The following RYR3 variants were observed in gnomAD, a reference collection of about 807,000 sequenced individuals.
The protein encoded by RYR3 is brain ryanodine receptor-calcium release channel.
Under a neutral mutation model 584.3 loss-of-function variants are expected in RYR3, and 207 were observed. That is an observed-to-expected ratio of 0.35 (90% CI 0.32 to 0.40). The LOEUF is 0.40. Among genes scored for constraint, RYR3 ranks in the 10% least tolerant of loss-of-function variants. RYR3 has a pLI of 1.00. For missense variants in RYR3, 5,616 were observed against 6,089.2 expected (o/e 0.92, Z 2.59); for synonymous variants, 2,416 against 2,248.5 (o/e 1.07, Z -2.11).
At chr15:33,422,384 A>G (rs2044300827) in intron 1 of RYR3, among the ~76,000 whole-genome samples, 5 of 152,174 alleles carry the variant, frequency 3.3e-5, no homozygotes, top group Admixed American at 3.3e-4. Context: ...ATGGAATACT[A>G]GTCCTTGTAG....
intron 1 of RYR3, among the ~76,000 whole-genome samples, chr15:33,365,458 A>G (rs1975361529): frequency 6.6e-6 from 1 of 152,170 alleles, no homozygotes; most frequent in South Asian, 2.1e-4. Flanking sequence ...AGTGGATGGT[A>G]AAGACTCCAG....
chr15:33,716,300 G>C (rs965453109), intron 43 of RYR3, among the ~76,000 whole-genome samples: 6 of 152,098 alleles, frequency 3.9e-5, no homozygotes, highest in Non-Finnish European at 5.9e-5. Flanking sequence ...TGTTGCATTA[G>C]GGATTAAGTT....
chr15:33,776,202 G>A (rs550337000), intron 64 of RYR3, among the ~76,000 whole-genome samples: 1 of 152,318 alleles, frequency 6.6e-6, no homozygotes, highest in South Asian at 2.1e-4. Context: ...CTTGGTGATA[G>A]GGTTGACTGT....
chr15:33,671,847 C>T (rs1263592032), intron 38 of RYR3, among the ~76,000 whole-genome samples: 1 of 119,310 alleles, frequency 8.4e-6, no homozygotes, highest in Non-Finnish European at 1.6e-5. Flanking sequence ...CAGGGTCTTG[C>T]TCTGTCACCC....
intron 38 of RYR3, among the ~76,000 whole-genome samples, chr15:33,685,305 G>A (rs1356222719): frequency 6.6e-6 from 1 of 152,138 alleles, no homozygotes; most frequent in Non-Finnish European, 1.5e-5. Context: ...CCTAGTCTCT[G>A]ATAAAACAGA....
chr15:33,545,995 C>T (rs62012300), intron 8 of RYR3, among the ~76,000 whole-genome samples: 3,196 of 152,290 alleles, frequency 0.021, 62 homozygotes, highest in Non-Finnish European at 0.035. Flanking sequence ...GGATAAGTTA[C>T]TTAACCTATT....
At chr15:33,468,467 C>T (rs2048663859) in intron 1 of RYR3, among the ~76,000 whole-genome samples, 1 of 152,122 alleles carries the variant, frequency 6.6e-6, no homozygotes, top group Admixed American at 6.5e-5. Flanking sequence ...TCCAAAGCCT[C>T]ATTGTTTTAT....
chr15:33,719,727 T>C (rs977617517), intron 43 of RYR3, among the ~76,000 whole-genome samples: 1 of 152,214 alleles, frequency 6.6e-6, no homozygotes, highest in African/African-American at 2.4e-5. Context: ...CTGGGGCTTT[T>C]CTGTAAGTAT....
chr15:33,669,836 GT>G, intron 37 of RYR3, among the ~76,000 whole-genome samples: 1 of 21,324 alleles, frequency 4.7e-5, no homozygotes, highest in African/African-American at 1.3e-4. Flanking sequence ...TTAGGGGTGT[GT>G]GTGTGTGGGG....
At chr15:33,762,414 G>T (rs535592639) in intron 60 of RYR3, among the ~76,000 whole-genome samples, 11 of 152,086 alleles carry the variant, frequency 7.2e-5, no homozygotes, top group Admixed American at 4.6e-4. Context: ...AAAGTCTCAG[G>T]ATACAAAATC....
intron 38 of RYR3, among the ~76,000 whole-genome samples, chr15:33,689,289 G>A (rs1253151488): frequency 6.6e-6 from 1 of 151,710 alleles, no homozygotes; most frequent in African/African-American, 2.4e-5. Context: ...GTTGATGGGT[G>A]CAGCACACCA....
Position 33,503,664 on chromosome 15 carries a change from G to T in RYR3, c.205G>T (p.Val69Leu), listed in dbSNP as rs763070160. ...IPPDLCVCNF[V>L]LEQSLSVRAL... ...TCCAGATCTCTGCGTCTGCAATTTT[G>T]TGCTGGAACAGTCCCTATCTGTCAG... Residue 69 changes from valine (V) to leucine (L), a missense_variant, in exon 3 of 104, where the codon GTG becomes TTG. Val to Leu is a conservative substitution (Grantham distance 32). Around this residue, in one of 9 missense-constraint regions of RYR3, gnomAD observed 1,284 missense variants for 1,344.6 expected, o/e 0.95. Coordinates refer to ENST00000634891, the MANE Select transcript of RYR3 (RefSeq NM_001036.6). 3.7e-6 allele frequency: 6 copies of T among 1,612,768 alleles called. No homozygotes were observed. The highest frequency in any genetic ancestry group is 3.3e-5 in the Admixed American group (2 of 59,924).
intron 5 of RYR3, among the ~76,000 whole-genome samples, chr15:33,537,207 T>C (rs1050998752): frequency 6.6e-6 from 1 of 152,238 alleles, no homozygotes; most frequent in Non-Finnish European, 1.5e-5. Context: ...TTTCAAACTT[T>C]CCTATAGAAG....
intron 2 of RYR3, among the ~76,000 whole-genome samples, chr15:33,497,239 GT>G (rs1198811987): frequency 6.6e-6 from 1 of 152,134 alleles, no homozygotes; most frequent in East Asian, 1.9e-4. Flanking sequence ...TCACCTTTCT[GT>G]TGGCCCAAAT....
intron 1 of RYR3, among the ~76,000 whole-genome samples, chr15:33,446,948 C>T (rs2141934118): frequency 6.6e-6 from 1 of 152,324 alleles, no homozygotes; most frequent in East Asian, 1.9e-4. Context: ...TTTTTTCCTG[C>T]TCTTTCCCCA....
chr15:33,693,127 C>T (rs974080277), intron 38 of RYR3, among the ~76,000 whole-genome samples: 3 of 152,196 alleles, frequency 2.0e-5, no homozygotes, highest in South Asian at 2.1e-4. Flanking sequence ...ATTGTACTGA[C>T]GGGACTAGAA....
intron 1 of RYR3, among the ~76,000 whole-genome samples, chr15:33,337,934 A>ATTGTTT (rs1971329953): frequency 8.8e-6 from 1 of 113,550 alleles, no homozygotes; most frequent in South Asian, 3.2e-4. Context: ...ATTTTAGGAG[A>ATTGTTT]TTTTTTTTTT....
chr15:33,334,184 T>G (rs1970688986), intron 1 of RYR3, among the ~76,000 whole-genome samples: 1 of 152,148 alleles, frequency 6.6e-6, no homozygotes, highest in South Asian at 2.1e-4. Flanking sequence ...AAAACTATTT[T>G]AAAATTCATA....
chr15:33,377,853 G>A (rs570528183), intron 1 of RYR3, among the ~76,000 whole-genome samples: 150 of 122,002 alleles, frequency 1.2e-3, no homozygotes, highest in African/African-American at 4.8e-3. Context: ...GAGTGCAGTG[G>A]TGCCATCATG....
Sources: gnomAD v4.1 joint callset for allele counts (sites outside exome capture counted in the v4.1 genomes callset) on GRCh38, gnomAD v4.1.1 for gene constraint, gnomAD v4.1.1 regional missense constraint, MANE v1.5 for transcripts, NCBI Gene and HGNC (gene_info 2026-07-23, HGNC 2026-07-21) for gene names.